VCL: variants seen among roughly 807,000 people sequenced by gnomAD.
VCL encodes vinculin.
VCL carries 47 observed loss-of-function variants against 125.7 expected under a neutral mutation model. The ratio of observed to expected loss-of-function variants is 0.37; its 90% CI spans 0.30 to 0.48. The LOEUF (loss-of-function observed/expected upper bound fraction) is 0.48, where lower values mean the gene tolerates loss of function less well. VCL is among the 20% of genes least tolerant of loss of function. The pLI is 0.99. For synonymous variants in VCL, 458 were observed against 514.6 expected, an observed-to-expected ratio of 0.89 and a Z score of 1.49; for missense variants, 1,069 against 1,455.5, an observed-to-expected ratio of 0.73 and a Z score of 4.32.
At chr10:74,072,647 T>C in intron 4 of VCL, 83 bp from the exon 5 acceptor site, 1 of 1,605,016 alleles carries the variant, frequency 6.2e-7, no homozygotes, top group East Asian at 2.2e-5. Context: ...TTTCATAGTA[T>C]TTCATAATGG....
intron 1 of VCL, among the ~76,000 whole-genome samples, chr10:74,015,968 A>G (rs1019217816): frequency 2.6e-5 from 4 of 152,146 alleles, no homozygotes; most frequent in African/African-American, 9.7e-5. Context: ...TATAGGCATG[A>G]GCCACTACGC....
Position 74,090,171 on chromosome 10 carries a change from CT to C in VCL, c.1327del (p.Ser443LeufsTer3). 1 of 1,614,182 alleles carries C rather than the reference CT, an allele frequency of 6.2e-7. No homozygotes were observed. Among genetic ancestry groups the C allele is most frequent in the Non-Finnish European group, 8.5e-7 (1 of 1,180,030 alleles). The stretch of plus-strand genomic sequence containing the variant: ...TCCCTTGGGGAAATATCTGCTCTGA[CT>C]TCTAAATTAGCAGATCTACGAAGAC... ...LRSLGEISALTSKLADLRRQG... is the reference protein window; with the variant it reads ...LRSLGEISALXSKLADLRRQG... On this transcript the variant is annotated frameshift_variant, in exon 10 of 22. Coordinates refer to ENST00000211998, the MANE Select transcript of VCL (RefSeq NM_014000.3). LOFTEE classifies it high-confidence loss of function.
chr10:74,072,987 C>A (rs778539903), intron 5 of VCL, 135 bp downstream of exon 5: 26 of 1,324,536 alleles, frequency 2.0e-5, no homozygotes, highest in Non-Finnish European at 2.6e-5. Flanking sequence ...TGTTGCCAGG[C>A]TGGAGTGCAG....
intron 1 of VCL, among the ~76,000 whole-genome samples, chr10:74,011,062 A>G (rs149688278): frequency 3.7e-4 from 56 of 150,320 alleles, no homozygotes; most frequent in African/African-American, 1.1e-3. Context: ...TCCCAGGTAC[A>G]TGGGAGGCTG....
At chr10:74,117,231 C>T (rs574085067) in intron 21 of VCL, among the ~76,000 whole-genome samples, 7 of 152,070 alleles carry the variant, frequency 4.6e-5, no homozygotes, top group African/African-American at 1.7e-4. Context: ...TGACAGTGCA[C>T]AAAATTGACA....
chr10:74,016,493 C>T (rs1840542022), intron 1 of VCL, among the ~76,000 whole-genome samples: 2 of 152,128 alleles, frequency 1.3e-5, no homozygotes, highest in Admixed American at 1.3e-4. Flanking sequence ...TGCCTGTAGT[C>T]CCAGCTACTT....
intron 18 of VCL, among the ~76,000 whole-genome samples, chr10:74,110,555 G>A (rs1483410129): frequency 6.6e-6 from 1 of 152,214 alleles, no homozygotes; most frequent in East Asian, 1.9e-4. Context: ...CTGAGCCTTA[G>A]CAGCAGTGAG....
At chr10:74,043,937 G>A (rs1841146069) in intron 2 of VCL, among the ~76,000 whole-genome samples, 1 of 151,540 alleles carries the variant, frequency 6.6e-6, no homozygotes, top group Non-Finnish European at 1.5e-5. Flanking sequence ...GTGAAACCCT[G>A]TCTCTACTAA....
chr10:74,055,956 C>T (rs1374507839), intron 2 of VCL, among the ~76,000 whole-genome samples: 3 of 152,136 alleles, frequency 2.0e-5, no homozygotes, highest in Non-Finnish European at 4.4e-5. Context: ...GTGACTTATA[C>T]ACATCTTTAA....
intron 1 of VCL, among the ~76,000 whole-genome samples, chr10:74,004,163 AT>A (rs1423508027): frequency 1.3e-5 from 2 of 152,122 alleles, no homozygotes; most frequent in Non-Finnish European, 2.9e-5. Flanking sequence ...TGGGTGGGTG[AT>A]TTTTTTCTTC....
chr10:74,109,437 C>T (rs1247116396), intron 18 of VCL, among the ~76,000 whole-genome samples: 1 of 152,158 alleles, frequency 6.6e-6, no homozygotes, highest in African/African-American at 2.4e-5. Flanking sequence ...GTGCCTTGAC[C>T]TTAGCATTTG....
At chr10:74,027,140 G>C (rs936230233) in intron 1 of VCL, among the ~76,000 whole-genome samples, 3 of 152,196 alleles carry the variant, frequency 2.0e-5, no homozygotes, top group Admixed American at 6.5e-5. Context: ...TTAGAGGGCA[G>C]TGAGGGAGAA....
intron 8 of VCL, among the ~76,000 whole-genome samples, chr10:74,087,513 A>ATTTTTTTTTT (rs1167937127): frequency 5.7e-5 from 7 of 123,030 alleles, no homozygotes; most frequent in African/African-American, 1.5e-4. Context: ...CGCCTGGCTA[A>ATTTTTTTTTT]TTTTTTTTTT....
At chr10:74,018,177 G>GTATATATATAT (rs1555114497) in intron 1 of VCL, among the ~76,000 whole-genome samples, 1 of 81,908 alleles carries the variant, frequency 1.2e-5, no homozygotes, top group Non-Finnish European at 2.6e-5. Flanking sequence ...ATATATATAG[G>GTATATATATAT]ATATATATAT....
At chr10:74,109,571 A>ATTGTCTT (rs1554819289) in intron 18 of VCL, among the ~76,000 whole-genome samples, 3 of 62,724 alleles carry the variant, frequency 4.8e-5, no homozygotes, top group Admixed American at 1.6e-4. Context: ...AAATGTTTGC[A>ATTGTCTT]TTTTCTTTTT....
chr10:74,114,198 T>C lies in VCL; in HGVS notation c.2964T>C (p.Ile988=). The change falls in exon 20 of 22, where the codon ATT becomes ATC. Residue 988 remains isoleucine (I), a synonymous_variant. Transcript: ENST00000211998. The stretch of plus-strand genomic sequence containing the variant: ...CTTCCCTCTAGGGCAATGACATCAT[T>C]GCAGCAGCCAAGCGCATGGCTCTGC... ...TKWSSKGNDI[I]AAAKRMALLM... The C allele has an allele frequency of 1.2e-6, 2 of 1,613,540 alleles. No individual in the cohort carries two copies. The highest frequency in any genetic ancestry group is 1.7e-6 in the Non-Finnish European group (2 of 1,179,986).
chr10:74,024,550 G>T (rs534109763), intron 1 of VCL, among the ~76,000 whole-genome samples: 3 of 151,794 alleles, frequency 2.0e-5, no homozygotes, highest in South Asian at 4.2e-4. Context: ...GGCAGAGGTT[G>T]CAGTGAGCTG....
At chr10:74,077,772 A>G (rs1188355198) in intron 6 of VCL, 2 of 454,222 alleles carry the variant, frequency 4.4e-6, no homozygotes, top group Non-Finnish European at 8.8e-6. Flanking sequence ...ATTCTTGGTA[A>G]AAGTGCGTCT....
At position 74,095,859 on chromosome 10, in the gene VCL, G is replaced by A. The variant is rs770395226; in HGVS notation, c.1743+4G>A. 12 of 1,612,922 alleles carry A rather than the reference G, an allele frequency of 7.4e-6. No homozygotes were observed. In the East Asian group the frequency reaches 8.9e-5, roughly 12 times the overall value. On this transcript the variant is annotated splice_donor_region_variant and intron_variant, in intron 12 of 21. Coordinates refer to ENST00000211998, the MANE Select transcript of VCL (RefSeq NM_014000.3). ...TCAGCTCCAAGACTCCTTAAAGGTA[G>A]AAGTCAGGAGCACATATCATTTTAC...
Sources: gnomAD v4.1 joint callset for allele counts (sites outside exome capture counted in the v4.1 genomes callset) on GRCh38, gnomAD v4.1.1 for gene constraint, MANE v1.5 for transcripts, NCBI Gene and HGNC (gene_info 2026-07-23, HGNC 2026-07-21) for gene names.